The following XKR5 variants were observed in gnomAD, a reference collection of about 807,000 sequenced individuals.
The protein encoded by XKR5 is XK related 5.
In XKR5, 46 loss-of-function variants were observed where a neutral mutation model predicts 40.8. The ratio of observed to expected loss-of-function variants is 1.13; its 90% CI spans 0.89 to 1.44. The LOEUF is 1.44. Among genes scored for constraint, XKR5 ranks in the 40% most tolerant of loss-of-function variants. The pLI, the probability that XKR5 is intolerant of heterozygous loss-of-function variation, is 0.00. For missense variants in XKR5, 1,169 were observed against 844.7 expected (o/e 1.38, Z -4.76); for synonymous variants, 466 against 356.1 (o/e 1.31, Z -3.48).
At chr8:6,815,285 T>C (rs907249669) in intron 6 of XKR5, among the ~76,000 whole-genome samples, 1 of 152,162 alleles carries the variant, frequency 6.6e-6, no homozygotes, top group Non-Finnish European at 1.5e-5. Flanking sequence ...AAAACACGGC[T>C]GATGACAGTG....
At chr8:6,825,434 A>C in intron 2 of XKR5, 85 bp from the exon 3 acceptor site, 1 of 1,336,050 alleles carries the variant, frequency 7.5e-7, no homozygotes, top group Non-Finnish European at 1.0e-6. Flanking sequence ...GACATACTAC[A>C]TGCTAAGCAA....
Position 6,811,763 on chromosome 8 carries a change from G to A in XKR5, c.1496C>T (p.Pro499Leu). The change falls in exon 7 of 7, where the codon CCT (proline) becomes CTT (leucine). Residue 499 changes from proline (P) to leucine (L), a missense_variant. Physicochemically the swap from Pro to Leu is moderately conservative, Grantham distance 98 (BLOSUM62 -3). Coordinates refer to ENST00000618742, the MANE Select transcript of XKR5 (RefSeq NM_207411.5). ...SFASDQQDEAPTQNPAATQGE... is the reference protein window; with the variant it reads ...SFASDQQDEALTQNPAATQGE... Reference sequence around the variant, plus strand: ...CTGCGTGGCTGCTGGGTTCTGGGTAGGTGCTTCATCCTGCTGATCGCTGGC... The same window carrying A: ...CTGCGTGGCTGCTGGGTTCTGGGTAAGTGCTTCATCCTGCTGATCGCTGGC... 1 of 1,537,602 alleles carries A rather than the reference G, an allele frequency of 6.5e-7. No individual in the cohort carries two copies.
chr8:6,819,095 G>T (rs528949099), intron 5 of XKR5, among the ~76,000 whole-genome samples: 1 of 152,210 alleles, frequency 6.6e-6, no homozygotes, highest in African/African-American at 2.4e-5. Context: ...AGGGATGTGG[G>T]GGTGGTACAC....
At chr8:6,814,454 G>C (rs1803871536) in intron 6 of XKR5, among the ~76,000 whole-genome samples, 1 of 152,088 alleles carries the variant, frequency 6.6e-6, no homozygotes, top group Non-Finnish European at 1.5e-5. Flanking sequence ...ACAGAATAAT[G>C]GTTGCCAGGA....
chr8:6,829,883 G>A (rs1404533174), intron 2 of XKR5, among the ~76,000 whole-genome samples: 1 of 125,106 alleles, frequency 8.0e-6, no homozygotes, highest in African/African-American at 3.2e-5. Flanking sequence ...TGTCACCCAA[G>A]CTGGAGTCCA....
rs754354581 is a variant in XKR5, at chr8:6,825,147, G to C, written c.427+18C>G. The C allele has an allele frequency of 4.3e-6, 7 of 1,612,950 alleles. No individual in the cohort carries two copies. ...TCGGCAGTCAGACAGTCTGTGCTCT[G>C]TGGTGACAGTTACTCACCTGGCACA... On this transcript the variant is annotated intron_variant, in intron 3 of 6. Coordinates refer to ENST00000618742, the MANE Select transcript of XKR5 (RefSeq NM_207411.5).
chr8:6,823,627 G>T lies in XKR5; in HGVS notation c.531C>A (p.Ala177=), dbSNP rs370909702. The T allele has an allele frequency of 6.9e-6, 11 of 1,593,826 alleles. No homozygotes were observed. Among genetic ancestry groups the T allele is most frequent in the Non-Finnish European group, 9.4e-6 (11 of 1,170,310 alleles). ...TCCAGAGCTGCTGGCAGAAGAGGGCGGCCCATGGCATGGCCAGGTGGCCTG... is the reference window on the plus strand; with the variant it reads ...TCCAGAGCTGCTGGCAGAAGAGGGCTGCCCATGGCATGGCCAGGTGGCCTG... ...MKPGHLAMPW[A]ALFCQQLWRM... Residue 177 remains alanine, a synonymous_variant, in exon 4 of 7, where the codon GCC becomes GCA. Coordinates refer to ENST00000618742, the MANE Select transcript of XKR5 (RefSeq NM_207411.5).
rs1001879021 is a variant in XKR5, at chr8:6,812,109, G to A, written c.1150C>T (p.Pro384Ser). 1 of 1,546,480 alleles carries A rather than the reference G, an allele frequency of 6.5e-7. No homozygotes were observed. ...LGKPPTPEQVPPEAGLGTQVA... is the reference protein window; with the variant it reads ...LGKPPTPEQVSPEAGLGTQVA... ...TGGGTCCCCAGCCCAGCCTCTGGGG[G>A]GACCTGCTCAGGGGTAGGGGGCTTC... The change falls in exon 7 of 7, where the codon CCC becomes TCC. Residue 384 changes from proline (P) to serine (S), a missense_variant. Transcript: ENST00000618742.
intron 2 of XKR5, among the ~76,000 whole-genome samples, chr8:6,827,852 G>T (rs554874188): frequency 6.6e-6 from 1 of 152,280 alleles, no homozygotes; most frequent in South Asian, 2.1e-4. Flanking sequence ...GATTGCTTGA[G>T]CTTGGGAGTT....
chr8:6,820,464 GCAAACAAGGTGGCAGGTGTCAAACTC>G (rs1313343797), intron 5 of XKR5, among the ~76,000 whole-genome samples: 1 of 152,230 alleles, frequency 6.6e-6, no homozygotes, highest in Non-Finnish European at 1.5e-5. Flanking sequence ...ACAAATGCAA[GCAAACAAGGTGGCAGGTGTCAAACTC>G]CTCCTTATTG....
rs113202998 is a variant in XKR5 at position 6,821,429 on chromosome 8, C to T, written c.807+440G>A. On this transcript the variant is annotated intron_variant, in intron 5 of 6. Coordinates refer to ENST00000618742, the MANE Select transcript of XKR5 (RefSeq NM_207411.5). ...TTCTTCAAATATGAAGAAATCTCTA[C>T]GGGACTCAAAGCAATCTGAAGAAGT... is the stretch of plus-strand genomic sequence containing the variant. Among the ~76,000 whole-genome samples the T allele has an allele frequency of 7.0e-4, 107 of 152,282 alleles. 1 individual carries two copies. The highest frequency in any genetic ancestry group is 1.4e-3 in the Admixed American group (21 of 15,306).
rs769341261 is a variant in XKR5, at chr8:6,821,920, G to A, written c.756C>T (p.Tyr252=). Residue 252 remains tyrosine (Y), a synonymous_variant, in exon 5 of 7, where the codon TAC becomes TAT. Transcript: ENST00000618742. ...TAGAAGGGCTGTCCCAGAAGCTGAG[G>A]TAGCAGAGGATGTACACGGCCCCCA... ...LLVGAVYILC[Y]LSFWDSPSRN... is the part of the protein sequence containing the mutation. 3 of 1,613,336 alleles carry A rather than the reference G, an allele frequency of 1.9e-6. No individual in the cohort carries two copies. The African/African-American group carries it at 4.0e-5, about 22-fold the overall frequency.
intron 2 of XKR5, among the ~76,000 whole-genome samples, chr8:6,827,735 G>T (rs1207392330): frequency 6.6e-6 from 1 of 152,134 alleles, no homozygotes; most frequent in Admixed American, 6.6e-5. Flanking sequence ...AGAAAGCTTT[G>T]TTTGTTCAAC....
intron 2 of XKR5, among the ~76,000 whole-genome samples, chr8:6,827,465 G>A (rs575490605): frequency 7.2e-5 from 11 of 152,272 alleles, no homozygotes; most frequent in South Asian, 4.1e-4. Flanking sequence ...CAGAAGATTC[G>A]GGGACTCCTC....
chr8:6,834,829 T>C (rs1157370032), intron 1 of XKR5, among the ~76,000 whole-genome samples: 1 of 151,998 alleles, frequency 6.6e-6, no homozygotes. Context: ...TGGCGGGCTC[T>C]GGGTTCCCCC....
At chr8:6,834,434 C>G (rs1381726522) in intron 1 of XKR5, among the ~76,000 whole-genome samples, 2 of 152,230 alleles carry the variant, frequency 1.3e-5, no homozygotes, top group African/African-American at 2.4e-5. Flanking sequence ...TTCGGTGCTG[C>G]AGGGCTGGGG....
At chr8:6,821,792 A>C (rs934786395) in intron 5 of XKR5, 77 bp downstream of exon 5, 123 of 1,293,668 alleles carry the variant, frequency 9.5e-5, no homozygotes, top group Admixed American at 2.0e-4. Context: ...ACACACACAC[A>C]CCCCCCACAC....
At position 6,811,492 on chromosome 8, in the gene XKR5, C is replaced by T. The variant is rs369211616; in HGVS notation, c.1767G>A (p.Ala589=). The T allele has an allele frequency of 1.0e-4, 155 of 1,527,692 alleles. No homozygotes were observed. The highest frequency in any genetic ancestry group is 6.0e-4 in the South Asian group (49 of 82,284). The allele number at this position is 1,527,692 out of a possible 1,614,324, so 94.6% of individuals were successfully genotyped here. ...TGTCGGCCATGGTGTCGGGGAAGGG[C>T]GCCAAGCCCACTGGGTGGGGCGATG... ...QPASPHPVGL[A]PFPDTMADIS... The change falls in exon 7 of 7, where the codon GCG becomes GCA. Residue 589 remains alanine (A), a synonymous_variant. Coordinates refer to ENST00000618742, the MANE Select transcript of XKR5 (RefSeq NM_207411.5).
Position 6,810,726 on chromosome 8 carries a change from G to A in XKR5, c.*472C>T, listed in dbSNP as rs1281775711. On this transcript the variant is annotated 3_prime_UTR_variant, in exon 7 of 7. Coordinates refer to ENST00000618742, the MANE Select transcript of XKR5 (RefSeq NM_207411.5). Reference sequence around the variant, plus strand: ...AGCACACAGGCCTTACCTACTCCCAGAAAGCATGCAAATTATCTTACCAAG... The same window carrying A: ...AGCACACAGGCCTTACCTACTCCCAAAAAGCATGCAAATTATCTTACCAAG... 1 of 153,718 alleles carries A rather than the reference G, an allele frequency of 6.5e-6. No individual in the cohort carries two copies. The highest frequency in any genetic ancestry group is 1.4e-5 in the Non-Finnish European group (1 of 69,178). The allele number at this position is 153,718 out of a possible 1,614,324, so 9.5% of individuals were successfully genotyped here. A position where few individuals can be genotyped will look rare whatever the true frequency, so the allele number is the denominator to read the frequency against.
Sources: gnomAD v4.1 joint callset for allele counts (sites outside exome capture counted in the v4.1 genomes callset) on GRCh38, gnomAD v4.1.1 for gene constraint, MANE v1.5 for transcripts, NCBI Gene and HGNC (gene_info 2026-07-23, HGNC 2026-07-21) for gene names.